NOTCH2: variants seen among roughly 807,000 people sequenced by gnomAD.
NOTCH2 encodes the protein notch receptor 2, also known as neurogenic locus notch homolog protein 2.
NOTCH2 carries 29 observed loss-of-function variants against 235.8 expected under a neutral mutation model. The ratio of observed to expected loss-of-function variants is 0.12; its 90% CI spans 0.09 to 0.17. The LOEUF (loss-of-function observed/expected upper bound fraction) is 0.17, where lower values mean the gene tolerates loss of function less well. Ranked by LOEUF, NOTCH2 falls within the 10% of genes least tolerant of loss-of-function variation. The pLI is 1.00. For synonymous variants in NOTCH2, 1,086 were observed against 1,141.5 expected (o/e 0.95, Z 0.98); for missense variants, 2,285 against 3,150.2 (o/e 0.73, Z 6.57).
chr1:119,999,941 A>AAGAG (rs1275258050), intron 3 of NOTCH2, among the ~76,000 whole-genome samples: 1 of 112,848 alleles, frequency 8.9e-6, no homozygotes, highest in East Asian at 2.2e-4. Flanking sequence ...GAAAGAAAGA[A>AAGAG]AGAAAGAAAG....
At chr1:119,954,191 G>A (rs913184655) in intron 13 of NOTCH2, among the ~76,000 whole-genome samples, 41 of 152,048 alleles carry the variant, frequency 2.7e-4, no homozygotes, top group Non-Finnish European at 2.9e-5. Flanking sequence ...GTATTCTGCA[G>A]GAAAAGGCAC....
intron 2 of NOTCH2, among the ~76,000 whole-genome samples, chr1:120,010,951 A>T (rs1211465816): frequency 3.3e-5 from 5 of 152,228 alleles, no homozygotes; most frequent in Admixed American, 6.5e-5. Context: ...AAGGAATGAC[A>T]TTCTGATACA....
chr1:119,997,363 G>A (rs782551853), intron 3 of NOTCH2, 31 bp from the exon 4 acceptor site: 1 of 1,607,748 alleles, frequency 6.2e-7, no homozygotes, highest in Non-Finnish European at 8.5e-7. Flanking sequence ...CTCAGTACTG[G>A]CCACAGAAAT....
chr1:119,969,755 G>A lies in NOTCH2; in HGVS notation c.875-11C>T, dbSNP rs2101148727. The A allele has an allele frequency of 6.2e-7, 1 of 1,612,440 alleles. No homozygotes were observed. The highest frequency in any genetic ancestry group is 8.5e-7 in the Non-Finnish European group (1 of 1,178,574). On this transcript the variant is annotated splice_polypyrimidine_tract_variant and intron_variant, in intron 5 of 33. Coordinates refer to ENST00000256646, the MANE Select transcript of NOTCH2 (RefSeq NM_024408.4). The stretch of plus-strand genomic sequence containing the variant: ...CTGTGCAGAACTGTCCTTTTAGGGG[G>A]AAATTACTTTTGATTAGGGCTCTTG...
intron 5 of NOTCH2, among the ~76,000 whole-genome samples, chr1:119,976,824 T>C (rs1037329975): frequency 2.0e-5 from 3 of 152,096 alleles, no homozygotes; most frequent in African/African-American, 7.2e-5. Flanking sequence ...CCTCAGTGGC[T>C]AGCACACGTT....
chr1:119,941,316 T>C (rs1461738922), intron 18 of NOTCH2, among the ~76,000 whole-genome samples: 2 of 152,142 alleles, frequency 1.3e-5, no homozygotes, highest in Non-Finnish European at 2.9e-5. Context: ...TAATAAACCA[T>C]CCCTATAAAC....
In NOTCH2 at chr1:119,953,530, C is replaced by CTT. The variant is rs1557819614; in HGVS notation, c.2365+11_2365+12dup. The CTT allele has an allele frequency of 6.2e-7, 1 of 1,613,814 alleles. No homozygotes were observed. The highest frequency in any genetic ancestry group is 8.5e-7 in the Non-Finnish European group (1 of 1,179,844). Reference sequence around the variant, plus strand: ...CAAAGAGCAGACGCAGAAAGATGTACTTTTGTTTTCACCTTTAAAGCCCTT... The same window carrying CTT: ...CAAAGAGCAGACGCAGAAAGATGTACTTTTTTGTTTTCACCTTTAAAGCCCTT... On this transcript the variant is annotated intron_variant, in intron 14 of 33. Coordinates refer to ENST00000256646, the MANE Select transcript of NOTCH2 (RefSeq NM_024408.4).
chr1:119,953,462 G>C, intron 14 of NOTCH2, 81 bp downstream of exon 14: 1 of 1,450,236 alleles, frequency 6.9e-7, no homozygotes, highest in East Asian at 2.3e-5. Flanking sequence ...AAAGAGAAAA[G>C]GAAACTAAGA....
intron 3 of NOTCH2, among the ~76,000 whole-genome samples, chr1:120,003,224 C>T (rs1274999435): frequency 2.6e-5 from 4 of 152,116 alleles, no homozygotes; most frequent in African/African-American, 9.7e-5. Context: ...ATGTTTCCTG[C>T]CCTCAAATAT....
chr1:119,969,873 G>A (rs185511273), intron 5 of NOTCH2, 129 bp from the exon 6 acceptor site: 3 of 833,866 alleles, frequency 3.6e-6, no homozygotes, highest in East Asian at 5.3e-5. Context: ...CCAGAAGGCT[G>A]GGTCTTCACA....
Position 119,937,842 on chromosome 1 carries a change from G to T in NOTCH2, c.3337+15C>A. The T allele has an allele frequency of 6.2e-7, 1 of 1,614,032 alleles. No individual in the cohort carries two copies. Among genetic ancestry groups the T allele is most frequent in the Non-Finnish European group, 8.5e-7 (1 of 1,179,972 alleles). On this transcript the variant is annotated intron_variant, in intron 20 of 33. Transcript: ENST00000256646. ...ACTGCAGTGAATGACCTGAGCCCAA[G>T]GGAGCAAAGCTTACCTCTCCTGGAG...
intron 22 of NOTCH2, among the ~76,000 whole-genome samples, chr1:119,934,670 C>T (rs1158566485): frequency 6.6e-6 from 1 of 152,174 alleles, no homozygotes; most frequent in Non-Finnish European, 1.5e-5. Context: ...TGACACAAAG[C>T]TCTAAGGCAA....
rs1480279172 is a variant in NOTCH2 at position 119,957,878 on chromosome 1, ACACAC to A, written c.2026+1509_2026+1513del. ...CACACACACACACACACACACACAC[ACACAC>A]AACAGGCCCCTAATCAGGATGTCCA... On this transcript the variant is annotated intron_variant, in intron 12 of 33. Coordinates refer to ENST00000256646, the MANE Select transcript of NOTCH2 (RefSeq NM_024408.4). Among the ~76,000 whole-genome samples the A allele has an allele frequency of 1.3e-3, 195 of 148,744 alleles. 1 individual carries two copies. The highest frequency in any genetic ancestry group is 4.5e-3 in the African/African-American group (179 of 39,822).
chr1:119,978,454 C>T lies in NOTCH2; in HGVS notation c.874+8506G>A, dbSNP rs587663394. ...GCAGTGAGGAGAATGGACTGAACTC[C>T]ACCTCACCCCTCCAGGTCAACAAAA... On this transcript the variant is annotated intron_variant, in intron 5 of 33. Coordinates refer to ENST00000256646, the MANE Select transcript of NOTCH2 (RefSeq NM_024408.4). 2.2e-3 allele frequency among the ~76,000 whole-genome samples: 340 copies of T among 152,288 alleles called. No individual in the cohort carries two copies. In the Middle Eastern group the frequency reaches 0.024, roughly 11 times the overall value.
Position 119,912,028 on chromosome 1 carries a change from A to C in NOTCH2, c.*3278T>G, listed in dbSNP as rs1648912769. 4.3e-6 allele frequency: 1 copy of C among 233,576 alleles called. No homozygotes were observed. The highest frequency in any genetic ancestry group is 8.5e-6 in the Non-Finnish European group (1 of 118,054). The allele number at this position is 233,576 out of a possible 1,614,324, so 14.5% of individuals were successfully genotyped here. A position where few individuals can be genotyped will look rare whatever the true frequency, so the allele number is the denominator to read the frequency against. ...AACACTGCCAGGCCATGGATGCAGT[A>C]TTGGAAAATAAAAAATACAACACCA... On this transcript the variant is annotated 3_prime_UTR_variant, in exon 34 of 34. Coordinates refer to ENST00000256646, the MANE Select transcript of NOTCH2 (RefSeq NM_024408.4).
rs1428916047 is a variant in NOTCH2 at position 119,912,495 on chromosome 1, T to G, written c.*2811A>C. On this transcript the variant is annotated 3_prime_UTR_variant, in exon 34 of 34. Transcript: ENST00000256646. ...AATTGCTTATACTAAAATATTTTAATTCTCAGACTCTCTTTCCCTCATACC... is the reference window on the plus strand; with the variant it reads ...AATTGCTTATACTAAAATATTTTAAGTCTCAGACTCTCTTTCCCTCATACC... The G allele has an allele frequency of 4.3e-6, 1 of 233,210 alleles. No individual in the cohort carries two copies. Among genetic ancestry groups the G allele is most frequent in the East Asian group, 6.1e-5 (1 of 16,524 alleles). 14.4% of individuals were successfully genotyped at this position (233,210 alleles called of 1,614,324 possible).
At chr1:119,957,151 C>A (rs1159906819) in intron 12 of NOTCH2, among the ~76,000 whole-genome samples, 1 of 152,226 alleles carries the variant, frequency 6.6e-6, no homozygotes, top group Admixed American at 6.5e-5. Context: ...TTGCTTTAGA[C>A]ACTTGCTATA....
chr1:120,015,038 A>AAAC (rs4020918), intron 2 of NOTCH2, among the ~76,000 whole-genome samples: 1 of 151,058 alleles, frequency 6.6e-6, no homozygotes, highest in African/African-American at 2.4e-5. Flanking sequence ...ATTCAAAAAA[A>AAAC]AACAACAACA....
intron 1 of NOTCH2, among the ~76,000 whole-genome samples, chr1:120,068,025 G>GATGT (rs1416419176): frequency 2.0e-4 from 27 of 136,636 alleles, no homozygotes; most frequent in African/African-American, 7.4e-4. Flanking sequence ...TTTGAAAACA[G>GATGT]ATGTAGTTCA....
Sources: gnomAD v4.1 joint callset for allele counts (sites outside exome capture counted in the v4.1 genomes callset) on GRCh38, gnomAD v4.1.1 for gene constraint, MANE v1.5 for transcripts, NCBI Gene and HGNC (gene_info 2026-07-23, HGNC 2026-07-21) for gene names.